MLLT1: variants seen among roughly 807,000 people sequenced by gnomAD.
The protein encoded by MLLT1 is protein ENL.
MLLT1 carries 11 observed loss-of-function variants against 55.1 expected under a neutral mutation model. That is an observed-to-expected ratio of 0.20 (90% CI 0.13 to 0.33). The LOEUF (loss-of-function observed/expected upper bound fraction) is 0.33, where lower values mean the gene tolerates loss of function less well. Among genes scored for constraint, MLLT1 ranks in the 10% least tolerant of loss-of-function variants. The pLI is 1.00. For synonymous variants in MLLT1, 323 were observed against 320.1 expected, an observed-to-expected ratio of 1.01 and a Z score of -0.10; for missense variants, 536 against 760.6, an observed-to-expected ratio of 0.70 and a Z score of 3.47.
At chr19:6,255,922 T>A (rs565359115) in intron 3 of MLLT1, among the ~76,000 whole-genome samples, 1 of 151,792 alleles carries the variant, frequency 6.6e-6, no homozygotes, top group Non-Finnish European at 1.5e-5. Context: ...AGGCCAGGAG[T>A]TCAAGACCAG....
rs995536333 is a variant in MLLT1, at chr19:6,270,495, T to C, written c.193+84A>G. Reference sequence around the variant, plus strand: ...ATGGTTGGAGGGGTCCTGCTGCTCCTGAGGGAGGGGTGGAGCCTGGCCTTG... The same window carrying C: ...ATGGTTGGAGGGGTCCTGCTGCTCCCGAGGGAGGGGTGGAGCCTGGCCTTG... On this transcript the variant is annotated intron_variant, in intron 2 of 11. Transcript: ENST00000252674. This position sits in a 1 kb window ranked among gnomAD's most constrained non-coding sequence, Gnocchi z 7.1. The C allele has an allele frequency of 6.9e-7, 1 of 1,442,546 alleles. No homozygotes were observed. Among genetic ancestry groups the C allele is most frequent in the East Asian group, 2.4e-5 (1 of 42,202 alleles). The allele number at this position is 1,442,546 out of a possible 1,614,324, so 89.4% of individuals were successfully genotyped here.
chr19:6,255,267 C>A lies in MLLT1; in HGVS notation c.276+6961G>T, dbSNP rs551857339. Among the ~76,000 whole-genome samples, 4 of 152,128 alleles carry A rather than the reference C, an allele frequency of 2.6e-5. No individual in the cohort carries two copies. The East Asian group carries it at 7.7e-4, about 29-fold the overall frequency. ...CAGCACTTTGGGAGGCCGAGGTGGG[C>A]GGATCACTTGATATCAGGAGTTTGA... On this transcript the variant is annotated intron_variant, in intron 3 of 11. Transcript: ENST00000252674.
chr19:6,229,858 C>T lies in MLLT1; in HGVS notation c.420+712G>A, dbSNP rs2090991599. On this transcript the variant is annotated intron_variant, in intron 4 of 11. Coordinates refer to ENST00000252674, the MANE Select transcript of MLLT1 (RefSeq NM_005934.4). This position sits in a 1 kb window ranked among gnomAD's most constrained non-coding sequence, Gnocchi z 5.2. ...ACACGTACATACACATGACACACCA[C>T]ACACCGCACACGACACACAACACGC... Among the ~76,000 whole-genome samples, 1 of 152,008 alleles carries T rather than the reference C, an allele frequency of 6.6e-6. No individual in the cohort carries two copies. The highest frequency in any genetic ancestry group is 6.5e-5 in the Admixed American group (1 of 15,268).
chr19:6,258,967 T>G (rs1422339488), intron 3 of MLLT1, among the ~76,000 whole-genome samples: 1 of 152,228 alleles, frequency 6.6e-6, no homozygotes, highest in African/African-American at 2.4e-5. Context: ...CTACACCTGC[T>G]GTCTCCCTCT....
chr19:6,251,790 A>G (rs998849158), intron 3 of MLLT1, among the ~76,000 whole-genome samples: 1 of 151,818 alleles, frequency 6.6e-6, no homozygotes, highest in Non-Finnish European at 1.5e-5. Context: ...AAAGAAAGAA[A>G]GAATGAACGA....
Position 6,220,420 on chromosome 19 carries a change from T to A in MLLT1, c.1110+1701A>T, listed in dbSNP as rs565000092. On this transcript the variant is annotated intron_variant, in intron 6 of 11. Transcript: ENST00000252674. ...AGCCTCTCAGCACGCGGGGCGCTCT[T>A]CTTCGGCCAGGAGGAAGTCCCAAAG... 9.2e-5 allele frequency among the ~76,000 whole-genome samples: 14 copies of A among 152,368 alleles called. 1 individual carries two copies. The highest frequency in any genetic ancestry group is 2.9e-4 in the African/African-American group (12 of 41,590).
At position 6,235,274 on chromosome 19, in the gene MLLT1, T is replaced by TG. The variant is rs902230280; in HGVS notation, c.277-4562dup. The stretch of plus-strand genomic sequence containing the variant: ...CGGCTGTGCAGAGGATGAACGTGGC[T>TG]GGGGGGCATCCTCGTGCAGAAAGCC... On this transcript the variant is annotated intron_variant, in intron 3 of 11. Transcript: ENST00000252674. The surrounding 1 kb of genome is among the most constrained non-coding windows in gnomAD (Gnocchi z 5.5). 1.3e-5 allele frequency among the ~76,000 whole-genome samples: 2 copies of TG among 152,180 alleles called. No individual in the cohort carries two copies. The highest frequency in any genetic ancestry group is 4.1e-4 in the South Asian group (2 of 4,834).
chr19:6,231,580 C>T lies in MLLT1; in HGVS notation c.277-867G>A, dbSNP rs913356016. On this transcript the variant is annotated intron_variant, in intron 3 of 11. Transcript: ENST00000252674. This position sits in a 1 kb window ranked among gnomAD's most constrained non-coding sequence, Gnocchi z 5.1. ...AGGCTGGAGTGCAGTGGCGCGATCT[C>T]GGCTCACTGCAAGCTCCACCTCCCT... Among the ~76,000 whole-genome samples, 79 of 151,998 alleles carry T rather than the reference C, an allele frequency of 5.2e-4. No homozygotes were observed. The highest frequency in any genetic ancestry group is 8.5e-4 in the Admixed American group (13 of 15,274).
rs2090958544 is a variant in MLLT1 at position 6,226,506 on chromosome 19, C to T, written c.546+471G>A. On this transcript the variant is annotated intron_variant, in intron 5 of 11. Transcript: ENST00000252674. This position sits in a 1 kb window ranked among gnomAD's most constrained non-coding sequence, Gnocchi z 6.3. ...TGGCACCCACCTGGCTTCCCCTGCC[C>T]TTCCCCCACGAAACTCTGCAGTGAG... Among the ~76,000 whole-genome samples the T allele has an allele frequency of 6.6e-6, 1 of 152,188 alleles. No individual in the cohort carries two copies. Among genetic ancestry groups the T allele is most frequent in the African/African-American group, 2.4e-5 (1 of 41,450 alleles).
rs147513131 is a variant in MLLT1, at chr19:6,239,626, C to A, written c.277-8913G>T. 9.0e-3 allele frequency among the ~76,000 whole-genome samples: 1,375 copies of A among 152,280 alleles called. 9 individuals are homozygous for A. The highest frequency in any genetic ancestry group is 0.041 in the Middle Eastern group (12 of 294). ...ATGCACATGCACACACCCACCCACA[C>A]ACCCATGTACACACACTCATACACG... On this transcript the variant is annotated intron_variant, in intron 3 of 11. Coordinates refer to ENST00000252674, the MANE Select transcript of MLLT1 (RefSeq NM_005934.4).
chr19:6,215,089 G>A (rs753859455), intron 8 of MLLT1, among the ~76,000 whole-genome samples: 33 of 152,084 alleles, frequency 2.2e-4, no homozygotes, highest in Non-Finnish European at 1.2e-4. Flanking sequence ...GCTGGGCACC[G>A]CTGCAGACTG....
At chr19:6,275,860 G>A (rs996964942) in intron 1 of MLLT1, among the ~76,000 whole-genome samples, 3 of 152,246 alleles carry the variant, frequency 2.0e-5, no homozygotes, top group Admixed American at 2.0e-4. Context: ...TGACCACATT[G>A]TCAGGGGAGG....
intron 3 of MLLT1, among the ~76,000 whole-genome samples, chr19:6,242,375 C>T (rs531972526): frequency 1.3e-5 from 2 of 152,124 alleles, no homozygotes; most frequent in African/African-American, 4.8e-5. Flanking sequence ...GAGGCCAGTG[C>T]GGTTTAACTT....
Position 6,211,546 on chromosome 19 carries a change from G to C in MLLT1, c.*1496C>G, listed in dbSNP as rs1447613050. On this transcript the variant is annotated 3_prime_UTR_variant, in exon 12 of 12. Transcript: ENST00000252674. The surrounding 1 kb of genome is among the most constrained non-coding windows in gnomAD (Gnocchi z 4.6). ...GGAGCCCCCCAAGTCTGAACTCATA[G>C]GCTGGGGAGGAGGAGACATCTAGGT... 1.4e-5 allele frequency: 14 copies of C among 1,011,066 alleles called. No homozygotes were observed. Among genetic ancestry groups the C allele is most frequent in the Non-Finnish European group, 1.7e-5 (14 of 829,546 alleles). The allele number at this position is 1,011,066 out of a possible 1,614,324, so 62.6% of individuals were successfully genotyped here.
intron 2 of MLLT1, among the ~76,000 whole-genome samples, chr19:6,269,160 C>G (rs144755871): frequency 0.013 from 1,992 of 152,340 alleles, 43 homozygotes; most frequent in African/African-American, 0.045. Flanking sequence ...CCTATGCGGG[C>G]GGGCATGGCC....
At chr19:6,215,554 C>T (rs1040817562) in intron 8 of MLLT1, among the ~76,000 whole-genome samples, 1 of 152,170 alleles carries the variant, frequency 6.6e-6, no homozygotes, top group African/African-American at 2.4e-5. Context: ...GCGCTGCACA[C>T]GGGGAACCAA....
At chr19:6,213,284 C>G in intron 11 of MLLT1, 53 bp downstream of exon 11, 1 of 1,609,428 alleles carries the variant, frequency 6.2e-7, no homozygotes, top group Middle Eastern at 1.7e-4. Flanking sequence ...GCAGCCCACA[C>G]TCCTCACAGG....
rs907269481 is a variant in MLLT1 at position 6,211,703 on chromosome 19, T to C, written c.*1339A>G. ...GGACTGGAGGCGCCTCGAGTCAATGTCTGGGAAACAGAGGCTAACCAGGCA... is the reference window on the plus strand; with the variant it reads ...GGACTGGAGGCGCCTCGAGTCAATGCCTGGGAAACAGAGGCTAACCAGGCA... On this transcript the variant is annotated 3_prime_UTR_variant, in exon 12 of 12. Coordinates refer to ENST00000252674, the MANE Select transcript of MLLT1 (RefSeq NM_005934.4). The surrounding 1 kb of genome is among the most constrained non-coding windows in gnomAD (Gnocchi z 4.6). The C allele has an allele frequency of 1.9e-6, 2 of 1,064,314 alleles. No homozygotes were observed. Among genetic ancestry groups the C allele is most frequent in the African/African-American group, 3.3e-5 (2 of 60,972 alleles). The allele number at this position is 1,064,314 out of a possible 1,614,324, so 65.9% of individuals were successfully genotyped here.
At position 6,273,186 on chromosome 19, in the gene MLLT1, T is replaced by C. The variant is rs2091408126; in HGVS notation, c.13-2427A>G. 6.6e-6 allele frequency among the ~76,000 whole-genome samples: 1 copy of C among 151,748 alleles called. No homozygotes were observed. Among genetic ancestry groups the C allele is most frequent in the Non-Finnish European group, 1.5e-5 (1 of 67,942 alleles). ...GGAGTCAAAAGCCCCCGGCCCTCTG[T>C]GTAAGGCCTGGGGTGCAGGCAGAAA... On this transcript the variant is annotated intron_variant, in intron 1 of 11. Transcript: ENST00000252674. The surrounding 1 kb of genome is among the most constrained non-coding windows in gnomAD (Gnocchi z 4.3).
Sources: allele counts gnomAD v4.1 joint callset (sites outside exome capture counted in the v4.1 genomes callset), GRCh38; gene constraint gnomAD v4.1.1; non-coding constraint Gnocchi (gnomAD v3.1); transcripts MANE v1.5; gene names NCBI Gene and HGNC (gene_info 2026-07-23, HGNC 2026-07-21).